HDAC11: variants seen among roughly 807,000 people sequenced by gnomAD.
The protein encoded by HDAC11 is histone deacetylase 11.
HDAC11 carries 23 observed loss-of-function variants against 41.1 expected under a neutral mutation model. The ratio of observed to expected loss-of-function variants is 0.56; its 90% CI spans 0.40 to 0.79. HDAC11 has a LOEUF of 0.79. HDAC11 is among the 30% of genes least tolerant of loss of function. HDAC11 has a pLI of 0.00. For synonymous variants in HDAC11, 187 were observed against 186.6 expected, an observed-to-expected ratio of 1.00 and a Z score of -0.02; for missense variants, 402 against 477.3, an observed-to-expected ratio of 0.84 and a Z score of 1.47.
intron 4 of HDAC11, among the ~76,000 whole-genome samples, chr3:13,497,082 C>T (rs937521531): frequency 2.0e-5 from 3 of 152,150 alleles, no homozygotes; most frequent in Admixed American, 1.3e-4. Context: ...TATTTGTTAC[C>T]GTAATTGCTA....
At chr3:13,500,013 A>G (rs1702277700) in intron 5 of HDAC11, among the ~76,000 whole-genome samples, 1 of 152,094 alleles carries the variant, frequency 6.6e-6, no homozygotes, top group Non-Finnish European at 1.5e-5. Flanking sequence ...AGTCTTCAGC[A>G]AGCTCAGTTG....
At chr3:13,488,724 G>A (rs1203507904) in intron 3 of HDAC11, among the ~76,000 whole-genome samples, 1 of 152,112 alleles carries the variant, frequency 6.6e-6, no homozygotes, top group East Asian at 1.9e-4. Context: ...ATGTGCATAC[G>A]AGTATTTATT....
rs546876308 is a variant in HDAC11, at chr3:13,494,433, TACAC to T, written c.253-2298_253-2295del. On this transcript the variant is annotated intron_variant, in intron 3 of 9. Transcript: ENST00000295757. Reference sequence around the variant, plus strand: ...CTTTCTCTGGGTCTGTCCCGCAACATACACACACGCACACACGCACACGGACATA... The same window carrying T: ...CTTTCTCTGGGTCTGTCCCGCAACATACACGCACACACGCACACGGACATA... Among the ~76,000 whole-genome samples the T allele has an allele frequency of 1.1e-3, 165 of 152,264 alleles. 1 individual carries two copies. The highest frequency in any genetic ancestry group is 5.4e-3 in the South Asian group (26 of 4,820).
rs187848315 is a variant in HDAC11, at chr3:13,496,539, T to C, written c.253-197T>C. The C allele has an allele frequency of 3.8e-5, 20 of 528,220 alleles. No homozygotes were observed. The East Asian group carries it at 7.0e-4, about 18-fold the overall frequency. The allele number at this position is 528,220 out of a possible 1,614,324, so 32.7% of individuals were successfully genotyped here. A position where few individuals can be genotyped will look rare whatever the true frequency, so the allele number is the denominator to read the frequency against. ...ATGCATTGTGTAAACTGCTCTTTAC[T>C]GAGCCCAGAGCTTGCCAGGAGCCTG... is the stretch of plus-strand genomic sequence containing the variant. On this transcript the variant is annotated intron_variant, in intron 3 of 9. Transcript: ENST00000295757.
chr3:13,498,521 G>A lies in HDAC11; in HGVS notation c.378G>A (p.Lys126=), dbSNP rs1702211209. Residue 126 remains lysine (K), a synonymous_variant, in exon 5 of 10, where the codon AAG becomes AAA. Transcript: ENST00000295757. ...TCTGCTTGTCTCCAAAGGCGGGGAAGCTGGCTGTGGAGCGAGGCTGGGCCA... is the reference window on the plus strand; with the variant it reads ...TCTGCTTGTCTCCAAAGGCGGGGAAACTGGCTGTGGAGCGAGGCTGGGCCA... ...TQTGGTIMAG[K]LAVERGWAIN... is the part of the protein sequence containing the mutation. 6.2e-7 allele frequency: 1 copy of A among 1,614,028 alleles called. No individual in the cohort carries two copies. The highest frequency in any genetic ancestry group is 8.5e-7 in the Non-Finnish European group (1 of 1,180,020).
chr3:13,505,446 A>C lies in HDAC11; in HGVS notation c.*763A>C, dbSNP rs1196785658. The C allele has an allele frequency of 6.5e-6, 1 of 152,948 alleles. No homozygotes were observed. The highest frequency in any genetic ancestry group is 2.4e-5 in the African/African-American group (1 of 41,422). The allele number at this position is 152,948 out of a possible 1,614,324, so 9.5% of individuals were successfully genotyped here. A position where few individuals can be genotyped will look rare whatever the true frequency, so the allele number is the denominator to read the frequency against. ...GCAAGGGGCAGGTTTTGGGGGGAGG[A>C]ATTCTTAGCGCAAGGACGGGCCTCA... On this transcript the variant is annotated 3_prime_UTR_variant, in exon 10 of 10. Coordinates refer to ENST00000295757, the MANE Select transcript of HDAC11 (RefSeq NM_024827.4).
At chr3:13,499,238 C>G (rs749505384) in intron 5 of HDAC11, among the ~76,000 whole-genome samples, 2 of 152,162 alleles carry the variant, frequency 1.3e-5, no homozygotes, top group Admixed American at 6.5e-5. Context: ...GGCGCGATCT[C>G]GGCTCACCGC....
intron 3 of HDAC11, among the ~76,000 whole-genome samples, chr3:13,486,954 G>A (rs550701359): frequency 6.6e-6 from 1 of 152,260 alleles, no homozygotes; most frequent in Non-Finnish European, 1.5e-5. Flanking sequence ...TCTTCCAAAG[G>A]GGAGAAGAAT....
intron 3 of HDAC11, among the ~76,000 whole-genome samples, chr3:13,489,889 C>G (rs1701767830): frequency 6.6e-6 from 1 of 151,984 alleles, no homozygotes; most frequent in African/African-American, 2.4e-5. Flanking sequence ...TTCATTTGAT[C>G]TATATGTCAA....
chr3:13,490,896 G>A (rs1701828284), intron 3 of HDAC11, among the ~76,000 whole-genome samples: 1 of 151,658 alleles, frequency 6.6e-6, no homozygotes, highest in Non-Finnish European at 1.5e-5. Context: ...GACTGCAGGT[G>A]CATGCCACCA....
chr3:13,505,125 G>A lies in HDAC11; in HGVS notation c.*442G>A, dbSNP rs559511595. On this transcript the variant is annotated 3_prime_UTR_variant, in exon 10 of 10. Coordinates refer to ENST00000295757, the MANE Select transcript of HDAC11 (RefSeq NM_024827.4). ...GCCTCCCTCCCTCCCCTTGGTCATG[G>A]GATTTGCTGCCCTCTTTGCCCCAGA... 3.0e-4 allele frequency: 69 copies of A among 227,834 alleles called. 1 individual carries two copies. In the South Asian group the frequency reaches 5.2e-3, roughly 17 times the overall value. 14.1% of individuals were successfully genotyped at this position (227,834 alleles called of 1,614,324 possible).
intron 6 of HDAC11, 80 bp downstream of exon 6, chr3:13,500,869 A>C: frequency 9.0e-5 from 98 of 1,093,850 alleles, no homozygotes; most frequent in Non-Finnish European, 1.2e-4. Flanking sequence ...AACTGTTCTC[A>C]CCCTGAATTA....
chr3:13,502,673 G>A lies in HDAC11; in HGVS notation c.553-211G>A. 10 of 520,882 alleles carry A rather than the reference G, an allele frequency of 1.9e-5. No individual in the cohort carries two copies. The highest frequency in any genetic ancestry group is 3.5e-5 in the Non-Finnish European group (10 of 287,830). 32.3% of individuals were successfully genotyped at this position (520,882 alleles called of 1,614,324 possible). ...TCTGATAGGGAACCTAAGAGCACTG[G>A]GCTTGCTCAAGCCCATGCTAGAAGG... On this transcript the variant is annotated intron_variant, in intron 7 of 9. Transcript: ENST00000295757. This position sits in a 1 kb window ranked among gnomAD's most constrained non-coding sequence, Gnocchi z 4.1.
intron 3 of HDAC11, among the ~76,000 whole-genome samples, chr3:13,488,658 T>A (rs1008458690): frequency 2.0e-5 from 3 of 152,366 alleles, no homozygotes; most frequent in Admixed American, 1.3e-4. Flanking sequence ...ACATTTTTTT[T>A]ATCCATTCAT....
Position 13,498,179 on chromosome 3 carries a change from A to G in HDAC11, c.370-334A>G, listed in dbSNP as rs993651617. On this transcript the variant is annotated intron_variant, in intron 4 of 9. Transcript: ENST00000295757. ...CCCAGTCTACTGTATTTCTGTGAGC[A>G]AAACTTTGCCTATTTTCCCTTTGAA... Among the ~76,000 whole-genome samples the G allele has an allele frequency of 7.0e-4, 107 of 152,216 alleles. 1 individual carries two copies. The highest frequency in any genetic ancestry group is 1.2e-3 in the Non-Finnish European group (81 of 68,034).
intron 3 of HDAC11, among the ~76,000 whole-genome samples, chr3:13,489,597 C>G (rs1014365070): frequency 6.6e-6 from 1 of 152,214 alleles, no homozygotes; most frequent in African/African-American, 2.4e-5. Flanking sequence ...GGGTTGCATT[C>G]TTTCGACAGC....
chr3:13,486,274 A>C (rs1701564828), intron 3 of HDAC11, among the ~76,000 whole-genome samples: 1 of 150,154 alleles, frequency 6.7e-6, no homozygotes, highest in Admixed American at 6.6e-5. Flanking sequence ...TCTCAAAAAA[A>C]AAAAAAAAAA....
chr3:13,482,823 G>A (rs1298795471), intron 2 of HDAC11, among the ~76,000 whole-genome samples: 1 of 152,048 alleles, frequency 6.6e-6, no homozygotes, highest in East Asian at 1.9e-4. Flanking sequence ...ATTGAGACAG[G>A]GTCTCACTCC....
intron 3 of HDAC11, 140 bp from the exon 4 acceptor site, chr3:13,496,596 C>T: frequency 1.6e-6 from 1 of 607,408 alleles, no homozygotes; most frequent in Non-Finnish European, 3.0e-6. Context: ...TCATTTCTAC[C>T]AAAGGAAGTG....
Sources: allele counts gnomAD v4.1 joint callset (sites outside exome capture counted in the v4.1 genomes callset), GRCh38; gene constraint gnomAD v4.1.1; non-coding constraint Gnocchi (gnomAD v3.1); transcripts MANE v1.5; gene names NCBI Gene and HGNC (gene_info 2026-07-23, HGNC 2026-07-21).